Variants in CDK6 observed in about 807,000 individuals in gnomAD.
CDK6 encodes the protein cyclin dependent kinase 6, also known as cyclin-dependent kinase 6.
CDK6 carries 6 observed loss-of-function variants against 37.1 expected under a neutral mutation model. That is an observed-to-expected ratio of 0.16 (90% confidence interval 0.09 to 0.32). The LOEUF (loss-of-function observed/expected upper bound fraction) is 0.32. CDK6 is among the 10% of genes least tolerant of loss of function. The probability of loss-of-function intolerance (pLI) is 1.00; values close to 1 mark genes in which losing one functional copy is unlikely to be tolerated. For missense variants in CDK6, 224 were observed against 418.9 expected (o/e 0.53, Z 4.06); for synonymous variants, 160 against 161.3 (o/e 0.99, Z 0.06).
intron 4 of CDK6, among the ~76,000 whole-genome samples, chr7:92,706,575 G>T (rs1198994843): frequency 6.6e-6 from 1 of 152,172 alleles, no homozygotes; most frequent in Non-Finnish European, 1.5e-5. Flanking sequence ...TGGTAAAGAA[G>T]AAAAGCACAA....
rs1795404731 is a variant in CDK6, at chr7:92,605,457, T to G, written c.*9683A>C. On this transcript the variant is annotated 3_prime_UTR_variant, in exon 8 of 8. Coordinates refer to ENST00000424848, the MANE Select transcript of CDK6 (RefSeq NM_001145306.2). ...TACTTGAGCTACTTTTAAAACCAGA[T>G]TTTTAATGATAGGGTACTTAAAGTT... is the stretch of plus-strand genomic sequence containing the variant. The G allele has an allele frequency of 4.3e-6, 1 of 233,092 alleles. No homozygotes were observed. Among genetic ancestry groups the G allele is most frequent in the East Asian group, 6.0e-5 (1 of 16,536 alleles). The allele number at this position is 233,092 out of a possible 1,614,324, so 14.4% of individuals were successfully genotyped here.
At position 92,833,751 on chromosome 7, in the gene CDK6, C is replaced by T. The variant is rs993465485; in HGVS notation, c.-367-61G>A. On this transcript the variant is annotated intron_variant, in intron 1 of 7. Transcript: ENST00000424848. This position sits in a 1 kb window ranked among gnomAD's most constrained non-coding sequence, Gnocchi z 6.1. Reference sequence around the variant, plus strand: ...AATCAGACAGCCCAGAAGCCTTCCTCGGGGTTCCTCCAGACTCCCCTCCTC... The same window carrying T: ...AATCAGACAGCCCAGAAGCCTTCCTTGGGGTTCCTCCAGACTCCCCTCCTC... 1.1e-4 allele frequency: 44 copies of T among 411,060 alleles called. No homozygotes were observed. Among genetic ancestry groups the T allele is most frequent in the Non-Finnish European group, 1.8e-4 (42 of 234,876 alleles). The allele number at this position is 411,060 out of a possible 1,614,324, so 25.5% of individuals were successfully genotyped here.
chr7:92,817,942 C>T (rs1334974053), intron 2 of CDK6, among the ~76,000 whole-genome samples: 5 of 151,970 alleles, frequency 3.3e-5, no homozygotes, highest in Admixed American at 6.6e-5. Flanking sequence ...AAGGGCATTA[C>T]ACTAAAAGCT....
At chr7:92,642,954 G>A (rs965278124) in intron 5 of CDK6, among the ~76,000 whole-genome samples, 1 of 147,362 alleles carries the variant, frequency 6.8e-6, no homozygotes, top group East Asian at 2.0e-4. Flanking sequence ...GAATACAGTT[G>A]TGTGATCACA....
chr7:92,685,273 G>C (rs989260056), intron 4 of CDK6, among the ~76,000 whole-genome samples: 1 of 152,108 alleles, frequency 6.6e-6, no homozygotes, highest in African/African-American at 2.4e-5. Context: ...GTATTTCTAG[G>C]TATATCCGCT....
chr7:92,751,361 C>T (rs936047688), intron 3 of CDK6, among the ~76,000 whole-genome samples: 4 of 151,996 alleles, frequency 2.6e-5, no homozygotes, highest in Non-Finnish European at 5.9e-5. Flanking sequence ...AAGTTGGGCT[C>T]TAATTCACAA....
At chr7:92,809,899 G>A (rs1800829339) in intron 2 of CDK6, among the ~76,000 whole-genome samples, 1 of 152,150 alleles carries the variant, frequency 6.6e-6, no homozygotes, top group Admixed American at 6.5e-5. Flanking sequence ...GTGAGCATAT[G>A]CAACATCCTC....
At chr7:92,738,672 G>A (rs1190467283) in intron 3 of CDK6, among the ~76,000 whole-genome samples, 1 of 151,972 alleles carries the variant, frequency 6.6e-6, no homozygotes, top group Non-Finnish European at 1.5e-5. Context: ...ATTACAATAG[G>A]AATTGCCCAG....
chr7:92,664,742 C>T (rs1433529805), intron 5 of CDK6, among the ~76,000 whole-genome samples: 6 of 152,032 alleles, frequency 3.9e-5, no homozygotes, highest in Non-Finnish European at 8.8e-5. Context: ...TATCTGCTTG[C>T]CACAATCTTC....
chr7:92,642,563 A>C (rs1369580498), intron 5 of CDK6, among the ~76,000 whole-genome samples: 1 of 152,208 alleles, frequency 6.6e-6, no homozygotes, highest in East Asian at 1.9e-4. Flanking sequence ...GAAAAGTGAT[A>C]CACCAAGGTA....
chr7:92,644,761 T>G (rs1244916225), intron 5 of CDK6, among the ~76,000 whole-genome samples: 1 of 152,226 alleles, frequency 6.6e-6, no homozygotes, highest in Non-Finnish European at 1.5e-5. Flanking sequence ...TAGAGGTTTC[T>G]TCTATCATAC....
chr7:92,733,096 T>C (rs542607279), intron 3 of CDK6, among the ~76,000 whole-genome samples: 34 of 152,344 alleles, frequency 2.2e-4, no homozygotes, highest in African/African-American at 7.7e-4. Flanking sequence ...AACTTAAATA[T>C]GTTATGAACA....
intron 5 of CDK6, among the ~76,000 whole-genome samples, chr7:92,665,402 G>C (rs1357855223): frequency 6.6e-6 from 1 of 152,030 alleles, no homozygotes; most frequent in African/African-American, 2.4e-5. Context: ...GAGTAAGGAT[G>C]GGTTACTCTG....
chr7:92,727,794 A>G (rs1798548118), intron 3 of CDK6, among the ~76,000 whole-genome samples: 1 of 152,178 alleles, frequency 6.6e-6, no homozygotes, highest in South Asian at 2.1e-4. Context: ...AAGCCCTTCA[A>G]GACTTGAGAA....
chr7:92,829,256 TTTTTG>T (rs1295708691), intron 2 of CDK6, among the ~76,000 whole-genome samples: 1 of 152,094 alleles, frequency 6.6e-6, no homozygotes, highest in African/African-American at 2.4e-5. Context: ...TTCTTTGGGT[TTTTTG>T]TTTTGTTTTT....
At chr7:92,782,122 T>C (rs1187048560) in intron 2 of CDK6, among the ~76,000 whole-genome samples, 2 of 152,216 alleles carry the variant, frequency 1.3e-5, no homozygotes, top group Non-Finnish European at 2.9e-5. Flanking sequence ...ATACTCAGTT[T>C]TAGAGTTTCC....
intron 2 of CDK6, among the ~76,000 whole-genome samples, chr7:92,778,946 T>TATATATATATATATATATATATATATAA (rs1479181745): frequency 0.024 from 3,174 of 133,274 alleles, 235 homozygotes; most frequent in South Asian, 0.047. Flanking sequence ...TATATATATA[T>TATATATATATATATATATATATATATAA]AAGATATTAT....
chr7:92,770,241 C>A (rs1799677350), intron 3 of CDK6, among the ~76,000 whole-genome samples: 1 of 151,288 alleles, frequency 6.6e-6, no homozygotes, highest in African/African-American at 2.4e-5. Context: ...ATGGATGCAC[C>A]TAAAGGACAT....
intron 4 of CDK6, among the ~76,000 whole-genome samples, chr7:92,688,853 C>T (rs1024427289): frequency 6.6e-6 from 1 of 152,078 alleles, no homozygotes; most frequent in African/African-American, 2.4e-5. Context: ...AACCACATTC[C>T]CTCTAAAGAG....
Sources: gnomAD v4.1 joint callset for allele counts (sites outside exome capture counted in the v4.1 genomes callset) on GRCh38, gnomAD v4.1.1 for gene constraint, Gnocchi (gnomAD v3.1) non-coding constraint, MANE v1.5 for transcripts, NCBI Gene and HGNC (gene_info 2026-07-23, HGNC 2026-07-21) for gene names.